The following AGAP1 variants were observed in gnomAD, a reference collection of about 807,000 sequenced individuals.
AGAP1 encodes the protein arf-GAP with GTPase, ANK repeat and PH domain-containing protein 1.
AGAP1 carries 29 observed loss-of-function variants against 105.3 expected under a neutral mutation model. The ratio of observed to expected loss-of-function variants is 0.28; its 90% CI spans 0.21 to 0.38. The LOEUF is 0.38. Ranked by LOEUF, AGAP1 falls within the 10% of genes least tolerant of loss-of-function variation. AGAP1 has a pLI of 1.00. For synonymous variants in AGAP1, 509 were observed against 485.9 expected, an observed-to-expected ratio of 1.05 and a Z score of -0.63; for missense variants, 998 against 1,165.1, an observed-to-expected ratio of 0.86 and a Z score of 2.09.
chr2:235,725,716 G>A lies in AGAP1; in HGVS notation c.310+8072G>A, dbSNP rs1270422278. Among the ~76,000 whole-genome samples the A allele has an allele frequency of 6.6e-6, 1 of 152,150 alleles. No individual in the cohort carries two copies. The highest frequency in any genetic ancestry group is 1.5e-5 in the Non-Finnish European group (1 of 68,032). On this transcript the variant is annotated intron_variant, in intron 3 of 17. Coordinates refer to ENST00000304032, the MANE Select transcript of AGAP1 (RefSeq NM_001037131.3). The surrounding 1 kb of genome is among the most constrained non-coding windows in gnomAD (Gnocchi z 5.7). Reference sequence around the variant, plus strand: ...AATAGATAAAGCAGAAGTCAGTTCAGCCATCTTCACTGATGATTTTCAGAA... The same window carrying A: ...AATAGATAAAGCAGAAGTCAGTTCAACCATCTTCACTGATGATTTTCAGAA...
intron 1 of AGAP1, among the ~76,000 whole-genome samples, chr2:235,573,024 C>CT (rs537857335): frequency 0.021 from 407 of 19,164 alleles, 53 homozygotes; most frequent in African/African-American, 0.11. Context: ...TCTTCTTCTT[C>CT]TTCTTCTTCT....
rs542880885 is a variant in AGAP1, at chr2:235,723,788, T to TGGTTGGTA, written c.310+6151_310+6152insAGGTTGGT. Among the ~76,000 whole-genome samples, 4 of 149,584 alleles carry TGGTTGGTA rather than the reference T, an allele frequency of 2.7e-5. No homozygotes were observed. The highest frequency in any genetic ancestry group is 6.0e-5 in the Non-Finnish European group (4 of 66,492). ...ATCGTTGGTTGGTTGGTTGGTTGGT[T>TGGTTGGTA]GGTTGGTTGGTTGGTCGATCGACAG... On this transcript the variant is annotated intron_variant, in intron 3 of 17. Transcript: ENST00000304032. This position sits in a 1 kb window ranked among gnomAD's most constrained non-coding sequence, Gnocchi z 6.2.
chr2:235,656,866 CAGAAA>C (rs1255704256), intron 1 of AGAP1, among the ~76,000 whole-genome samples: 2 of 152,144 alleles, frequency 1.3e-5, no homozygotes, highest in Admixed American at 1.3e-4. Flanking sequence ...TTTAACATAA[CAGAAA>C]GGAAAAGGAG....
rs1365445615 is a variant in AGAP1 at position 235,582,501 on chromosome 2, GGGTT to G, written c.163+87660_163+87663del. On this transcript the variant is annotated intron_variant, in intron 1 of 17. Transcript: ENST00000304032. The surrounding 1 kb of genome is among the most constrained non-coding windows in gnomAD (Gnocchi z 4.7). Reference sequence around the variant, plus strand: ...TGAAGCCCTCTTGAGTCAGATCGTGGGGTTGGTTGGTCATGCGTGTAATTATGTG... The same window carrying G: ...TGAAGCCCTCTTGAGTCAGATCGTGGGGTTGGTCATGCGTGTAATTATGTG... 1.3e-5 allele frequency among the ~76,000 whole-genome samples: 2 copies of G among 152,202 alleles called. No individual in the cohort carries two copies. Among genetic ancestry groups the G allele is most frequent in the African/African-American group, 2.4e-5 (1 of 41,442 alleles).
Position 236,129,045 on chromosome 2 carries a change from T to C in AGAP1, c.*4923T>C, listed in dbSNP as rs1390516581. 1 of 152,266 alleles carries C rather than the reference T, an allele frequency of 6.6e-6. No individual in the cohort carries two copies. Among genetic ancestry groups the C allele is most frequent in the Non-Finnish European group, 1.5e-5 (1 of 68,050 alleles). The allele number at this position is 152,266 out of a possible 1,614,324, so 9.4% of individuals were successfully genotyped here. ...CTGCCTCAGACGGGGGTTTCACATG[T>C]TGTGAAGTCACATCTTGAATGACTG... On this transcript the variant is annotated 3_prime_UTR_variant, in exon 18 of 18. Coordinates refer to ENST00000304032, the MANE Select transcript of AGAP1 (RefSeq NM_001037131.3). This position sits in a 1 kb window ranked among gnomAD's most constrained non-coding sequence, Gnocchi z 6.2.
Position 235,891,593 on chromosome 2 carries a change from C to A in AGAP1, c.1155+8144C>A, listed in dbSNP as rs1373822140. Among the ~76,000 whole-genome samples the A allele has an allele frequency of 6.6e-6, 1 of 152,174 alleles. No homozygotes were observed. Among genetic ancestry groups the A allele is most frequent in the Non-Finnish European group, 1.5e-5 (1 of 68,028 alleles). ...TCAGCGTGGCCACCTATTCATCTTC[C>A]ATGTCGCAAGCACGGCCGTCGAGTG... On this transcript the variant is annotated intron_variant, in intron 10 of 17. Transcript: ENST00000304032. The surrounding 1 kb of genome is among the most constrained non-coding windows in gnomAD (Gnocchi z 4.2).
rs1192198235 is a variant in AGAP1, at chr2:235,792,261, A to G, written c.674-5498A>G. Among the ~76,000 whole-genome samples the G allele has an allele frequency of 6.6e-6, 1 of 152,056 alleles. No homozygotes were observed. The highest frequency in any genetic ancestry group is 1.5e-5 in the Non-Finnish European group (1 of 68,022). On this transcript the variant is annotated intron_variant, in intron 6 of 17. Coordinates refer to ENST00000304032, the MANE Select transcript of AGAP1 (RefSeq NM_001037131.3). This position sits in a 1 kb window ranked among gnomAD's most constrained non-coding sequence, Gnocchi z 5.3. ...TATACGCTTTCTCTGTGTCTTCCTT[A>G]GTTCTCTGCCCCCACTTTTCCCCAC...
intron 10 of AGAP1, among the ~76,000 whole-genome samples, chr2:235,885,331 T>G (rs1432427922): frequency 6.6e-6 from 1 of 152,238 alleles, no homozygotes; most frequent in East Asian, 1.9e-4. Context: ...TGGATGTGCC[T>G]TCATTGATCC....
At position 235,777,967 on chromosome 2, in the gene AGAP1, G is replaced by A. The variant is rs988575809; in HGVS notation, c.674-19792G>A. Among the ~76,000 whole-genome samples, 2 of 152,164 alleles carry A rather than the reference G, an allele frequency of 1.3e-5. No homozygotes were observed. Among genetic ancestry groups the A allele is most frequent in the Non-Finnish European group, 2.9e-5 (2 of 68,038 alleles). Reference sequence around the variant, plus strand: ...TTGGCCCCTCCTGGCTCTGCCCTGAGCCCGCTGCCCTCACCCTCTGCCTCA... The same window carrying A: ...TTGGCCCCTCCTGGCTCTGCCCTGAACCCGCTGCCCTCACCCTCTGCCTCA... On this transcript the variant is annotated intron_variant, in intron 6 of 17. Coordinates refer to ENST00000304032, the MANE Select transcript of AGAP1 (RefSeq NM_001037131.3). The surrounding 1 kb of genome is among the most constrained non-coding windows in gnomAD (Gnocchi z 5.1).
intron 1 of AGAP1, among the ~76,000 whole-genome samples, chr2:235,546,127 G>C (rs116788954): frequency 1.3e-4 from 20 of 152,298 alleles, no homozygotes; most frequent in African/African-American, 4.1e-4. Flanking sequence ...TCAAGGATGG[G>C]GGACAGCTGT....
intron 1 of AGAP1, among the ~76,000 whole-genome samples, chr2:235,588,656 G>A (rs1249534282): frequency 6.6e-6 from 1 of 152,058 alleles, no homozygotes; most frequent in Non-Finnish European, 1.5e-5. Flanking sequence ...AAAAATTTCT[G>A]AATTTTGTTA....
intron 9 of AGAP1, among the ~76,000 whole-genome samples, chr2:235,834,344 A>C (rs1575582165): frequency 6.6e-6 from 1 of 152,196 alleles, no homozygotes; most frequent in South Asian, 2.1e-4. Flanking sequence ...CATGGGGACA[A>C]GATCACACTG....
chr2:236,080,530 C>T lies in AGAP1; in HGVS notation c.2114+31249C>T, dbSNP rs1224947686. ...CAAGCTCAATGGATGCCACCAAGGG[C>T]AGCCACCTGCTGTATCTTGTACACG... is the stretch of plus-strand genomic sequence containing the variant. On this transcript the variant is annotated intron_variant, in intron 16 of 17. Coordinates refer to ENST00000304032, the MANE Select transcript of AGAP1 (RefSeq NM_001037131.3). The surrounding 1 kb of genome is among the most constrained non-coding windows in gnomAD (Gnocchi z 4.2). 1.3e-5 allele frequency among the ~76,000 whole-genome samples: 2 copies of T among 152,240 alleles called. No homozygotes were observed. Among genetic ancestry groups the T allele is most frequent in the East Asian group, 1.9e-4 (1 of 5,202 alleles).
chr2:235,714,850 G>C lies in AGAP1; in HGVS notation c.223-2707G>C, dbSNP rs1445915944. Among the ~76,000 whole-genome samples, 1 of 152,152 alleles carries C rather than the reference G, an allele frequency of 6.6e-6. No homozygotes were observed. ...GTCTCGCTCTGTCACCCAGGCTGGA[G>C]TCCAGTGGTGTATCTCGGCTCACTG... On this transcript the variant is annotated intron_variant, in intron 2 of 17. Transcript: ENST00000304032. The surrounding 1 kb of genome is among the most constrained non-coding windows in gnomAD (Gnocchi z 4.1).
At chr2:235,928,879 G>C (rs993345898) in intron 11 of AGAP1, among the ~76,000 whole-genome samples, 5 of 152,192 alleles carry the variant, frequency 3.3e-5, no homozygotes, top group African/African-American at 1.2e-4. Context: ...CGTCTCTTAA[G>C]ATGCCACATG....
At chr2:236,108,032 C>T (rs1448873226) in intron 16 of AGAP1, among the ~76,000 whole-genome samples, 1 of 152,202 alleles carries the variant, frequency 6.6e-6, no homozygotes, top group African/African-American at 2.4e-5. Flanking sequence ...TCCACTGCCT[C>T]CTCCTCCCCG....
At chr2:235,497,540 G>A (rs1050818062) in intron 1 of AGAP1, among the ~76,000 whole-genome samples, 1 of 152,324 alleles carries the variant, frequency 6.6e-6, no homozygotes, top group South Asian at 2.1e-4. Flanking sequence ...TCCTCTGTAT[G>A]TGCATACACA....
chr2:235,717,906 A>G (rs1032972476), intron 3 of AGAP1, among the ~76,000 whole-genome samples: 3 of 152,168 alleles, frequency 2.0e-5, no homozygotes, highest in Admixed American at 6.5e-5. Context: ...TGTCCTTTCA[A>G]ATGTCCTTTT....
rs189860142 is a variant in AGAP1, at chr2:235,855,850, G to T, written c.1051-27495G>T. On this transcript the variant is annotated intron_variant, in intron 9 of 17. Transcript: ENST00000304032. This position sits in a 1 kb window ranked among gnomAD's most constrained non-coding sequence, Gnocchi z 5.0. ...CTATGAGGTCTCTAGATGCACGGAG[G>T]CTACTGCATTCCCAGGGGGTCAGCC... Among the ~76,000 whole-genome samples, 25 of 152,246 alleles carry T rather than the reference G, an allele frequency of 1.6e-4. No homozygotes were observed. The highest frequency in any genetic ancestry group is 1.4e-3 in the Admixed American group (21 of 15,296).
Sources: allele counts gnomAD v4.1 joint callset (sites outside exome capture counted in the v4.1 genomes callset), GRCh38; gene constraint gnomAD v4.1.1; non-coding constraint Gnocchi (gnomAD v3.1); transcripts MANE v1.5; gene names NCBI Gene and HGNC (gene_info 2026-07-23, HGNC 2026-07-21).